The following NF1 variants were observed in gnomAD, a reference collection of about 807,000 sequenced individuals.
NF1 encodes the protein neurofibromin.
NF1 carries 122 observed loss-of-function variants against 325.7 expected under a neutral mutation model. That is an observed-to-expected ratio of 0.37 (90% CI 0.32 to 0.44). NF1 has a LOEUF of 0.44. Among genes scored for constraint, NF1 ranks in the 20% least tolerant of loss-of-function variants. The pLI, the probability that NF1 is intolerant of heterozygous loss-of-function variation, is 1.00. For missense variants in NF1, 2,140 were observed against 3,415.4 expected (o/e 0.63, Z 9.31); for synonymous variants, 1,091 against 1,186.0 (o/e 0.92, Z 1.65).
In NF1 at chr17:31,114,095, T is replaced by A. The variant is rs73271672; in HGVS notation, c.60+18726T>A. Among the ~76,000 whole-genome samples the A allele has an allele frequency of 1.3e-3, 191 of 152,324 alleles. 1 individual carries two copies. The highest frequency in any genetic ancestry group is 4.4e-3 in the African/African-American group (182 of 41,576). On this transcript the variant is annotated intron_variant, in intron 1 of 57. Transcript: ENST00000358273. ...AACATAGAGAAGAAGAGGGAAGGAA[T>A]TGATTTATAAACTTGCCCGTTTCCC...
At chr17:31,167,201 T>G (rs1238535280) in intron 4 of NF1, among the ~76,000 whole-genome samples, 1 of 152,184 alleles carries the variant, frequency 6.6e-6, no homozygotes, top group Admixed American at 6.5e-5. Flanking sequence ...TGATGTTGTG[T>G]TTTCTGAGGA....
At chr17:31,163,472 G>A (rs2065798067) in intron 4 of NF1, 96 bp downstream of exon 4, 1 of 1,395,328 alleles carries the variant, frequency 7.2e-7, no homozygotes, top group Non-Finnish European at 9.9e-7. Flanking sequence ...ATGGAAATGA[G>A]GTTTTTTTGT....
rs563100361 is a variant in NF1 at position 31,374,696 on chromosome 17, G to A, written c.*541G>A. ...AAACTGAAAGAACCATAGAGGTCAA[G>A]CCTCAGTGACTTGACACCATAAAGC... On this transcript the variant is annotated 3_prime_UTR_variant, in exon 58 of 58. Coordinates refer to ENST00000358273, the MANE Select transcript of NF1 (RefSeq NM_001042492.3). The A allele has an allele frequency of 2.5e-4, 59 of 237,384 alleles. No individual in the cohort carries two copies. In the South Asian group the frequency reaches 5.3e-3, roughly 21 times the overall value. 14.7% of individuals were successfully genotyped at this position (237,384 alleles called of 1,614,324 possible).
At position 31,279,118 on chromosome 17, in the gene NF1, A is replaced by AC. The variant is rs2068070233; in HGVS notation, c.4835+13781dup. On this transcript the variant is annotated intron_variant, in intron 36 of 57. Transcript: ENST00000358273. ...AAATTAGCCAGGTGTGGTGGCACAC[A>AC]CCTGTATAGTCTTAGCCACTTGGGA... Among the ~76,000 whole-genome samples, 4 of 152,170 alleles carry AC rather than the reference A, an allele frequency of 2.6e-5. No homozygotes were observed. In the South Asian group the frequency reaches 8.3e-4, roughly 32 times the overall value.
chr17:31,340,406 T>A (rs2151561033), intron 46 of NF1, 99 bp from the exon 47 acceptor site: 2 of 1,478,498 alleles, frequency 1.4e-6, no homozygotes, highest in Non-Finnish European at 1.9e-6. Flanking sequence ...ACATGGGTAA[T>A]TTAGGAAGAT....
chr17:31,361,081 C>CAAAAAAAAAAAAAAAAAAAAAA (rs60249232), intron 57 of NF1: 3 of 46,544 alleles, frequency 6.4e-5, no homozygotes, highest in Non-Finnish European at 1.1e-4. Context: ...CATACTATAT[C>CAAAAAAAAAAAAAAAAAAAAAA]AAAAAAAAAA....
chr17:31,195,250 A>G (rs1028323261), intron 8 of NF1, among the ~76,000 whole-genome samples: 7 of 152,280 alleles, frequency 4.6e-5, no homozygotes, highest in Middle Eastern at 3.4e-3. Context: ...TAAGTCAAGT[A>G]CTGCTACTGG....
intron 36 of NF1, among the ~76,000 whole-genome samples, chr17:31,311,389 G>A (rs2068871761): frequency 6.6e-6 from 1 of 152,126 alleles, no homozygotes; most frequent in Non-Finnish European, 1.5e-5. Context: ...GCATATCCTA[G>A]ACAAAAGACA....
At chr17:31,250,947 A>G (rs2067483588) in intron 30 of NF1, 2 of 190,932 alleles carry the variant, frequency 1.0e-5, no homozygotes, top group Admixed American at 6.1e-5. Context: ...GTATCAGTGC[A>G]TTGTTTAAGT....
chr17:31,175,345 CTTTTTT>C (rs869113407), intron 5 of NF1, among the ~76,000 whole-genome samples: 2 of 71,348 alleles, frequency 2.8e-5, no homozygotes, highest in Non-Finnish European at 4.9e-5. Context: ...TGTGCTTTTG[CTTTTTT>C]TTTTTTTTTT....
intron 1 of NF1, among the ~76,000 whole-genome samples, chr17:31,139,704 G>A (rs12603885): frequency 0.56 from 85,305 of 151,974 alleles, 26,703 homozygotes; most frequent in Middle Eastern, 0.79. Flanking sequence ...CTGGGAAGAT[G>A]TATGTCTGAT....
intron 4 of NF1, 50 bp downstream of exon 4, chr17:31,163,426 A>C: frequency 1.3e-6 from 2 of 1,579,904 alleles, no homozygotes; most frequent in Non-Finnish European, 1.7e-6. Context: ...GAATATTAGA[A>C]GTTTTGTTTT....
intron 26 of NF1, 58 bp from the exon 27 acceptor site, chr17:31,232,944 G>A (rs1225493730): frequency 6.2e-7 from 1 of 1,613,654 alleles, no homozygotes. Context: ...TGTAAGAGAA[G>A]CAAAAATTAC....
Position 31,288,179 on chromosome 17 carries a change from C to T in NF1, c.4835+22840C>T, listed in dbSNP as rs17880527. 1.3e-4 allele frequency among the ~76,000 whole-genome samples: 20 copies of T among 151,996 alleles called. No homozygotes were observed. The South Asian group carries it at 2.1e-3, about 16-fold the overall frequency. Reference sequence around the variant, plus strand: ...TTCCAGAAATTTAGATTCAGAATCTCAGGTCAGGCTTTCTAGATAAGGATA... The same window carrying T: ...TTCCAGAAATTTAGATTCAGAATCTTAGGTCAGGCTTTCTAGATAAGGATA... On this transcript the variant is annotated intron_variant, in intron 36 of 57. Transcript: ENST00000358273.
At chr17:31,267,275 G>A (rs1271437547) in intron 36 of NF1, among the ~76,000 whole-genome samples, 1 of 152,050 alleles carries the variant, frequency 6.6e-6, no homozygotes, top group Non-Finnish European at 1.5e-5. Context: ...CAAATCTGTT[G>A]CTTCATATGT....
chr17:31,164,020 G>A (rs936216943), intron 4 of NF1, among the ~76,000 whole-genome samples: 2 of 152,202 alleles, frequency 1.3e-5, no homozygotes, highest in East Asian at 3.8e-4. Context: ...AGTATTTATA[G>A]CATTTCCTTT....
chr17:31,302,608 G>A (rs945327623), intron 36 of NF1, among the ~76,000 whole-genome samples: 4 of 152,072 alleles, frequency 2.6e-5, no homozygotes, highest in Non-Finnish European at 5.9e-5. Flanking sequence ...TTGAGAGGCC[G>A]AGGCAGGTGG....
intron 36 of NF1, chr17:31,295,775 G>A: frequency 1.2e-6 from 2 of 1,614,174 alleles, no homozygotes; most frequent in Non-Finnish European, 1.7e-6. Flanking sequence ...GTTTATTAAT[G>A]TACCTGGAAG....
chr17:31,239,889 G>A (rs762311352), intron 29 of NF1, among the ~76,000 whole-genome samples: 57 of 152,006 alleles, frequency 3.7e-4, no homozygotes, highest in Admixed American at 4.6e-4. Flanking sequence ...TCAGCCTCCC[G>A]AGTAGCTGGG....
Sources: allele counts gnomAD v4.1 joint callset (sites outside exome capture counted in the v4.1 genomes callset), GRCh38; gene constraint gnomAD v4.1.1; transcripts MANE v1.5; gene names NCBI Gene and HGNC (gene_info 2026-07-23, HGNC 2026-07-21).